Variants in IQSEC3 observed in about 807,000 individuals in gnomAD.
The protein encoded by IQSEC3 is IQ motif and SEC7 domain-containing protein 3.
A neutral mutation model predicts 105.4 loss-of-function variants in IQSEC3; 50 were observed. The observed-to-expected ratio is 0.47, with a 90% CI of 0.38 to 0.60. The LOEUF (loss-of-function observed/expected upper bound fraction) is 0.60, where lower values mean the gene tolerates loss of function less well. Among genes scored for constraint, IQSEC3 ranks in the 20% least tolerant of loss-of-function variants. The pLI is 0.00. For synonymous variants in IQSEC3, 708 were observed against 746.0 expected (o/e 0.95, Z 0.83); for missense variants, 1,415 against 1,630.0 (o/e 0.87, Z 2.27).
At chr12:155,741 G>C (rs1866661783) in intron 5 of IQSEC3, among the ~76,000 whole-genome samples, 1 of 152,168 alleles carries the variant, frequency 6.6e-6, no homozygotes, top group African/African-American at 2.4e-5. Context: ...GGCGTTTTCT[G>C]TGCTCTCGAT....
Position 141,105 on chromosome 12 carries a change from T to TGG in IQSEC3, c.1992-19_1992-18insGG. On this transcript the variant is annotated intron_variant, in intron 4 of 13. Transcript: ENST00000538872. ...GCTTCAGCTCACTCTCTACTGCTTC[T>TGG]CCCCACCCCCACCTCCAGAAACCCC... is the stretch of plus-strand genomic sequence containing the variant. 17 of 1,577,850 alleles carry TGG rather than the reference T, an allele frequency of 1.1e-5. No homozygotes were observed. Among genetic ancestry groups the TGG allele is most frequent in the African/African-American group, 1.4e-5 (1 of 73,962 alleles).
At position 125,783 on chromosome 12, in the gene IQSEC3, C is replaced by T. The variant is rs782716173; in HGVS notation, c.774C>T (p.Ala258=). ...AGGAGCGGCCGGGGGCAGGGGCTGC[C>T]TCCCCAAGGGCTGGCCCCCAGCACA... The part of the protein sequence containing the change: ...EEEERPGAGA[A]SPRAGPQHKA... Residue 258 remains alanine (A), a synonymous_variant, in exon 3 of 14, where the codon GCC becomes GCT. Transcript: ENST00000538872. The T allele has an allele frequency of 1.1e-4, 170 of 1,515,442 alleles. No individual in the cohort carries two copies. Among genetic ancestry groups the T allele is most frequent in the Non-Finnish European group, 1.4e-4 (163 of 1,138,480 alleles). 93.9% of individuals were successfully genotyped at this position (1,515,442 alleles called of 1,614,324 possible). A position where few individuals can be genotyped will look rare whatever the true frequency, so the allele number is the denominator to read the frequency against.
chr12:141,339 C>G lies in IQSEC3; in HGVS notation c.2153+54C>G. 3.2e-6 allele frequency: 5 copies of G among 1,567,132 alleles called. No individual in the cohort carries two copies. In the Middle Eastern group the frequency reaches 5.9e-4, roughly 185 times the overall value. ...CACTCCTTCCCACACCCCACCTGCC[C>G]GGGCTCTCTCTGTGAGCTCCTTGGT... On this transcript the variant is annotated intron_variant, in intron 5 of 13. Transcript: ENST00000538872.
chr12:157,242 G>T (rs1237052947), intron 6 of IQSEC3, 95 bp downstream of exon 6: 3 of 1,423,116 alleles, frequency 2.1e-6, no homozygotes, highest in African/African-American at 1.4e-5. Context: ...TATCAGGAGG[G>T]TTGGACATTG....
chr12:164,543 CT>C (rs1555097593), intron 9 of IQSEC3: 1 of 152,326 alleles, frequency 6.6e-6, no homozygotes, highest in Admixed American at 6.5e-5. Context: ...TCCTGGCCTC[CT>C]CCTTTTCATT....
intron 2 of IQSEC3, among the ~76,000 whole-genome samples, chr12:101,939 T>C (rs1379659130): frequency 3.7e-4 from 57 of 152,170 alleles, no homozygotes; most frequent in Admixed American, 3.5e-3. Context: ...CTCCAGAGCA[T>C]AGCCACAACT....
chr12:135,546 G>A (rs1479946655), intron 3 of IQSEC3, among the ~76,000 whole-genome samples: 6 of 152,184 alleles, frequency 3.9e-5, no homozygotes, highest in African/African-American at 1.2e-4. Context: ...CCTTGAGTAT[G>A]GGCAGGATGA....
At chr12:90,091 G>C (rs1323095149) in intron 1 of IQSEC3, among the ~76,000 whole-genome samples, 1 of 152,252 alleles carries the variant, frequency 6.6e-6, no homozygotes, top group Admixed American at 6.5e-5. Flanking sequence ...GGTTTTGTCA[G>C]ACACAGATTT....
intron 1 of IQSEC3, among the ~76,000 whole-genome samples, chr12:79,119 C>T (rs2368831): frequency 0.56 from 85,466 of 151,952 alleles, 24,858 homozygotes; most frequent in African/African-American, 0.63. Context: ...TGCGGGTGGC[C>T]CTGCCTCACC....
intron 8 of IQSEC3, 133 bp downstream of exon 8, chr12:162,198 C>G: frequency 9.7e-7 from 1 of 1,032,310 alleles, no homozygotes; most frequent in Non-Finnish European, 1.4e-6. Context: ...GAAGTACCTA[C>G]TGTGTGCCAG....
intron 7 of IQSEC3, 110 bp from the exon 8 acceptor site, chr12:161,816 C>A: frequency 8.8e-7 from 1 of 1,132,236 alleles, no homozygotes; most frequent in Non-Finnish European, 1.2e-6. Context: ...AGAACCAAGG[C>A]CACCCCCCGG....
At chr12:88,992 C>T (rs1864001816) in intron 1 of IQSEC3, among the ~76,000 whole-genome samples, 1 of 152,116 alleles carries the variant, frequency 6.6e-6, no homozygotes, top group Non-Finnish European at 1.5e-5. Context: ...ATATGAATCC[C>T]CCACAGTTCA....
intron 11 of IQSEC3, 115 bp from the exon 12 acceptor site, chr12:168,898 G>A: frequency 1.2e-6 from 1 of 860,402 alleles, no homozygotes; most frequent in East Asian, 2.4e-5. Context: ...TTCACAGCAT[G>A]TACTGGGACC....
At chr12:161,655 C>T (rs1866894469) in intron 7 of IQSEC3, among the ~76,000 whole-genome samples, 1 of 152,138 alleles carries the variant, frequency 6.6e-6, no homozygotes, top group South Asian at 2.1e-4. Flanking sequence ...GGAAAGAGGC[C>T]TGGGAGGTGG....
intron 3 of IQSEC3, among the ~76,000 whole-genome samples, chr12:127,375 C>T (rs892581774): frequency 6.6e-6 from 1 of 152,110 alleles, no homozygotes; most frequent in Non-Finnish European, 1.5e-5. Flanking sequence ...AAAAATTAGC[C>T]AGGCGTGGTG....
intron 1 of IQSEC3, among the ~76,000 whole-genome samples, chr12:89,605 G>A (rs1394690021): frequency 1.3e-5 from 2 of 149,978 alleles, no homozygotes; most frequent in African/African-American, 5.0e-5. Context: ...CCCTCTTACA[G>A]TTCATCCCTT....
intron 2 of IQSEC3, among the ~76,000 whole-genome samples, chr12:115,480 G>A (rs1443455820): frequency 2.6e-5 from 4 of 152,170 alleles, no homozygotes; most frequent in South Asian, 2.1e-4. Flanking sequence ...AGGGCTCCGC[G>A]AGGGAGCTAG....
At chr12:164,178 G>C (rs1054464528) in intron 9 of IQSEC3, among the ~76,000 whole-genome samples, 3 of 152,206 alleles carry the variant, frequency 2.0e-5, no homozygotes, top group Non-Finnish European at 4.4e-5. Context: ...AGCAGGACTG[G>C]AGCAGGGCTT....
At chr12:133,161 G>A (rs1238286966) in intron 3 of IQSEC3, among the ~76,000 whole-genome samples, 4 of 152,168 alleles carry the variant, frequency 2.6e-5, no homozygotes, top group African/African-American at 9.7e-5. Flanking sequence ...CGTTTACAGT[G>A]ACCTGGAAGG....
Sources: gnomAD v4.1 joint callset for allele counts (sites outside exome capture counted in the v4.1 genomes callset) on GRCh38, gnomAD v4.1.1 for gene constraint, MANE v1.5 for transcripts, NCBI Gene and HGNC (gene_info 2026-07-23, HGNC 2026-07-21) for gene names.